Variants in CDH18 observed in about 807,000 individuals in gnomAD.
CDH18 encodes cadherin-18.
A neutral mutation model predicts 67.9 loss-of-function variants in CDH18; 31 were observed. The observed-to-expected ratio is 0.46, with a 90% CI of 0.34 to 0.62. CDH18 has a LOEUF of 0.62. Ranked by LOEUF, CDH18 falls within the 20% of genes least tolerant of loss-of-function variation. The probability of loss-of-function intolerance (pLI) is 0.01; values close to 1 mark genes in which losing one functional copy is unlikely to be tolerated. For synonymous variants in CDH18, 362 were observed against 347.2 expected (o/e 1.04, Z -0.48); for missense variants, 890 against 975.5 (o/e 0.91, Z 1.17).
At chr5:20,546,757 A>ACG in intron 1 of CDH18, among the ~76,000 whole-genome samples, 1 of 151,932 alleles carries the variant, frequency 6.6e-6, no homozygotes, top group East Asian at 1.9e-4. Flanking sequence ...ATAGACACAC[A>ACG]CACACACACA....
intron 2 of CDH18, among the ~76,000 whole-genome samples, chr5:20,186,633 T>G (rs1738122656): frequency 6.6e-6 from 1 of 151,920 alleles, no homozygotes; most frequent in Non-Finnish European, 1.5e-5. Context: ...TGACTGAGAA[T>G]CATTAGAAAA....
chr5:20,440,549 C>T (rs1199662871), intron 1 of CDH18, among the ~76,000 whole-genome samples: 1 of 151,906 alleles, frequency 6.6e-6, no homozygotes, highest in African/African-American at 2.4e-5. Flanking sequence ...GGCAAACATC[C>T]TACAATATCT....
intron 2 of CDH18, among the ~76,000 whole-genome samples, chr5:19,954,975 C>T (rs540710029): frequency 6.6e-6 from 1 of 152,076 alleles, no homozygotes; most frequent in South Asian, 2.1e-4. Flanking sequence ...TTGTAATAAT[C>T]CCCCATGTGT....
chr5:19,647,009 T>C (rs1376055030), intron 5 of CDH18, among the ~76,000 whole-genome samples: 1 of 152,122 alleles, frequency 6.6e-6, no homozygotes, highest in Non-Finnish European at 1.5e-5. Context: ...CTGAAACACA[T>C]TGTTGCATTT....
intron 1 of CDH18, among the ~76,000 whole-genome samples, chr5:20,256,857 G>C (rs1744270731): frequency 1.3e-5 from 2 of 151,970 alleles, no homozygotes; most frequent in Non-Finnish European, 2.9e-5. Context: ...GCAATCACTA[G>C]GATGAGGAAA....
intron 1 of CDH18, among the ~76,000 whole-genome samples, chr5:20,366,684 A>G (rs1210056315): frequency 6.6e-6 from 1 of 152,216 alleles, no homozygotes; most frequent in Non-Finnish European, 1.5e-5. Context: ...GTTGTTGTAA[A>G]GAAAAATTAA....
At position 19,520,642 on chromosome 5, in the gene CDH18, A is replaced by G; in HGVS notation, c.1512+15T>C. 1 of 1,601,524 alleles carries G rather than the reference A, an allele frequency of 6.2e-7. No homozygotes were observed. The highest frequency in any genetic ancestry group is 2.3e-5 in the East Asian group (1 of 44,246). On this transcript the variant is annotated intron_variant, in intron 10 of 12. Coordinates refer to ENST00000382275, the MANE Select transcript of CDH18 (RefSeq NM_004934.5). ...TATTCCATTCAAATGAGGAGGAAGG[A>G]AACAATTAACTTACCTGGCCAGGCT...
chr5:19,779,932 A>C (rs1440677784), intron 3 of CDH18, among the ~76,000 whole-genome samples: 1 of 152,186 alleles, frequency 6.6e-6, no homozygotes, highest in Non-Finnish European at 1.5e-5. Flanking sequence ...TATGAATAAT[A>C]TATGAATTAA....
intron 8 of CDH18, among the ~76,000 whole-genome samples, chr5:19,546,716 A>C (rs1736379243): frequency 1.3e-5 from 2 of 152,172 alleles, no homozygotes; most frequent in Non-Finnish European, 2.9e-5. Context: ...AAATCTTCTA[A>C]CCTCCTGTGG....
intron 3 of CDH18, among the ~76,000 whole-genome samples, chr5:19,787,387 G>A (rs574612495): frequency 1.3e-5 from 2 of 152,142 alleles, no homozygotes; most frequent in East Asian, 3.9e-4. Flanking sequence ...GGGAGGCAGA[G>A]GTTGCAGTGA....
chr5:20,534,023 C>A (rs1470586958), intron 1 of CDH18, among the ~76,000 whole-genome samples: 2 of 151,930 alleles, frequency 1.3e-5, no homozygotes, highest in African/African-American at 4.8e-5. Context: ...ATACACTAAT[C>A]ATTTTAACTC....
At chr5:19,599,107 A>G (rs12518883) in intron 6 of CDH18, among the ~76,000 whole-genome samples, 86,741 of 151,892 alleles carry the variant, frequency 0.57, 27,330 homozygotes, top group South Asian at 0.75. Context: ...GTATTCTACC[A>G]TAAAAGATAA....
intron 9 of CDH18, among the ~76,000 whole-genome samples, chr5:19,524,707 T>C (rs1270817139): frequency 1.3e-5 from 2 of 152,122 alleles, no homozygotes; most frequent in African/African-American, 4.8e-5. Context: ...GCTCTAGTCA[T>C]AGGTATCAGC....
intron 2 of CDH18, among the ~76,000 whole-genome samples, chr5:19,942,666 C>A (rs991160864): frequency 2.0e-5 from 3 of 152,114 alleles, no homozygotes; most frequent in Non-Finnish European, 2.9e-5. Flanking sequence ...CCCTTCTTAT[C>A]TAATTTTGAC....
At chr5:19,820,002 A>G (rs1310250746) in intron 3 of CDH18, among the ~76,000 whole-genome samples, 1 of 152,146 alleles carries the variant, frequency 6.6e-6, no homozygotes. Flanking sequence ...GGGGTCCCAG[A>G]GGACAAAGCT....
intron 2 of CDH18, among the ~76,000 whole-genome samples, chr5:20,063,905 G>T (rs533023876): frequency 6.6e-6 from 1 of 152,036 alleles, no homozygotes; most frequent in African/African-American, 2.4e-5. Context: ...CATTGTGCTC[G>T]GGGAAACAAC....
chr5:19,994,320 T>C (rs1383908720), intron 2 of CDH18, among the ~76,000 whole-genome samples: 3 of 151,498 alleles, frequency 2.0e-5, no homozygotes, highest in Non-Finnish European at 4.4e-5. Flanking sequence ...TATGTATACA[T>C]ATATACATAT....
At chr5:19,999,586 G>T (rs1736282180) in intron 2 of CDH18, among the ~76,000 whole-genome samples, 1 of 152,042 alleles carries the variant, frequency 6.6e-6, no homozygotes, top group Admixed American at 6.6e-5. Flanking sequence ...TGGGCAAAAA[G>T]AATGAAACTC....
chr5:20,162,591 G>T (rs969222083), intron 2 of CDH18, among the ~76,000 whole-genome samples: 42 of 150,146 alleles, frequency 2.8e-4, no homozygotes, highest in Admixed American at 2.5e-3. Flanking sequence ...AAGGCCTTTG[G>T]TACCATGGAG....
Sources: allele counts gnomAD v4.1 joint callset (sites outside exome capture counted in the v4.1 genomes callset), GRCh38; gene constraint gnomAD v4.1.1; transcripts MANE v1.5; gene names NCBI Gene and HGNC (gene_info 2026-07-23, HGNC 2026-07-21).